The following TMC2 variants were observed in gnomAD, a reference collection of about 807,000 sequenced individuals.
TMC2 encodes transmembrane channel-like protein 2.
A neutral mutation model predicts 105.9 loss-of-function variants in TMC2; 102 were observed. That is an observed-to-expected ratio of 0.96 (90% CI 0.82 to 1.14). The LOEUF is 1.14. Among genes scored for constraint, TMC2 ranks in the 50% most tolerant of loss-of-function variants. The probability of loss-of-function intolerance (pLI) is 0.00; values close to 1 mark genes in which losing one functional copy is unlikely to be tolerated. For synonymous variants in TMC2, 402 were observed against 422.8 expected, an observed-to-expected ratio of 0.95 and a Z score of 0.60; for missense variants, 1,093 against 1,134.3, an observed-to-expected ratio of 0.96 and a Z score of 0.52.
chr20:2,593,267 C>A (rs979660416), intron 8 of TMC2, among the ~76,000 whole-genome samples: 2 of 152,156 alleles, frequency 1.3e-5, no homozygotes, highest in Non-Finnish European at 2.9e-5. Context: ...CCCCATGATC[C>A]ATTCACCTCC....
At position 2,613,251 on chromosome 20, in the gene TMC2, G is replaced by A; in HGVS notation, c.1801G>A (p.Gly601Arg). 6.2e-7 allele frequency: 1 copy of A among 1,614,026 alleles called. No individual in the cohort carries two copies. Among genetic ancestry groups the A allele is most frequent in the Non-Finnish European group, 8.5e-7 (1 of 1,179,962 alleles). ...GGTAACGTACATCACCATCCTGCTG[G>A]GGGACTTCCTACGGGCTTGTTTTGT... ...MLVTYITILL[G>R]DFLRACFVRF... Residue 601 changes from glycine (G) to arginine (R), a missense_variant, in exon 14 of 20, where the codon GGG becomes AGG. By Grantham distance (125) the Gly-to-Arg change is moderately radical. Transcript: ENST00000358864.
rs1220989831 is a variant in TMC2 at position 2,601,099 on chromosome 20, C to T, written c.1225-1014C>T. Among the ~76,000 whole-genome samples, 5 of 151,524 alleles carry T rather than the reference C, an allele frequency of 3.3e-5. No homozygotes were observed. In the East Asian group the frequency reaches 7.8e-4, roughly 24 times the overall value. On this transcript the variant is annotated intron_variant, in intron 10 of 19. Coordinates refer to ENST00000358864, the MANE Select transcript of TMC2 (RefSeq NM_080751.3). Reference sequence around the variant, plus strand: ...ACCAAAATAATGTACAAGACCATTACACCAAAAGTATAAAATATTGCCGAA... The same window carrying T: ...ACCAAAATAATGTACAAGACCATTATACCAAAAGTATAAAATATTGCCGAA...
At position 2,542,545 on chromosome 20, in the gene TMC2, A is replaced by G. The variant is rs544378563; in HGVS notation, c.82+5229A>G. On this transcript the variant is annotated intron_variant, in intron 2 of 19. Coordinates refer to ENST00000358864, the MANE Select transcript of TMC2 (RefSeq NM_080751.3). ...ATCTAATTGCCTTCAGCTTGAAATA[A>G]TCTTTATGCCGAAGTGGCATATTTT... Among the ~76,000 whole-genome samples, 23 of 152,252 alleles carry G rather than the reference A, an allele frequency of 1.5e-4. No homozygotes were observed. In the South Asian group the frequency reaches 4.6e-3, roughly 30 times the overall value.
rs764448789 is a variant in TMC2, at chr20:2,589,269, C to CGTGTGTGTGTGTGTGTGT, written c.835-3041_835-3040insGTGTGTGTGTGTGTGTGT. On this transcript the variant is annotated intron_variant, in intron 7 of 19. Coordinates refer to ENST00000358864, the MANE Select transcript of TMC2 (RefSeq NM_080751.3). ...TTTTTCCAGATATCTTCCTATTTGC[C>CGTGTGTGTGTGTGTGTGT]CTGTGTGTGTGTGTGTGTGTGTGTG... 5.8e-3 allele frequency among the ~76,000 whole-genome samples: 491 copies of CGTGTGTGTGTGTGTGTGT among 84,688 alleles called. 38 individuals carry two copies. The highest frequency in any genetic ancestry group is 9.1e-3 in the East Asian group (21 of 2,318). 55.6% of individuals were successfully genotyped at this position (84,688 alleles called of 152,430 possible).
intron 5 of TMC2, among the ~76,000 whole-genome samples, chr20:2,574,551 G>A (rs2086129569): frequency 6.6e-6 from 1 of 152,042 alleles, no homozygotes; most frequent in South Asian, 2.1e-4. Flanking sequence ...TTTTTTTCAA[G>A]TATTCAGTTT....
At chr20:2,624,533 T>A in intron 17 of TMC2, 137 bp downstream of exon 17, 1 of 1,084,178 alleles carries the variant, frequency 9.2e-7, no homozygotes, top group Non-Finnish European at 1.3e-6. Flanking sequence ...GATTCAAGTG[T>A]AAGTATTTTA....
At chr20:2,622,856 T>G (rs1287097110) in intron 16 of TMC2, among the ~76,000 whole-genome samples, 1 of 152,138 alleles carries the variant, frequency 6.6e-6, no homozygotes, top group Middle Eastern at 3.2e-3. Context: ...ATGTTTTATA[T>G]CAATTCTCAT....
At chr20:2,596,324 T>C (rs1472125209) in intron 9 of TMC2, among the ~76,000 whole-genome samples, 3 of 152,156 alleles carry the variant, frequency 2.0e-5, no homozygotes, top group African/African-American at 7.2e-5. Flanking sequence ...AAGTAATTGA[T>C]GGTTTTGCAA....
rs923915386 is a variant in TMC2, at chr20:2,592,856, A to G, written c.933+448A>G. ...TCCCAGCTCCTTTATTGGAATCACC[A>G]TTCATCCAATCATCCATGTCTGAAG... is the stretch of plus-strand genomic sequence containing the variant. On this transcript the variant is annotated intron_variant, in intron 8 of 19. Coordinates refer to ENST00000358864, the MANE Select transcript of TMC2 (RefSeq NM_080751.3). This position sits in a 1 kb window ranked among gnomAD's most constrained non-coding sequence, Gnocchi z 4.9. Among the ~76,000 whole-genome samples, 2 of 152,098 alleles carry G rather than the reference A, an allele frequency of 1.3e-5. No homozygotes were observed. The highest frequency in any genetic ancestry group is 4.8e-5 in the African/African-American group (2 of 41,404).
chr20:2,635,833 C>A (rs1256746105), intron 17 of TMC2, 93 bp from the exon 18 acceptor site: 6 of 1,010,002 alleles, frequency 5.9e-6, no homozygotes, highest in African/African-American at 4.8e-5. Flanking sequence ...GTAACTATTC[C>A]AGGAATCCTG....
chr20:2,635,822 A>G lies in TMC2; in HGVS notation c.2307-104A>G, dbSNP rs73892604. ...TGGTAGGACACCCACCCAAAGCCTCAGTAACTATTCCAGGAATCCTGCCCT... is the reference window on the plus strand; with the variant it reads ...TGGTAGGACACCCACCCAAAGCCTCGGTAACTATTCCAGGAATCCTGCCCT... On this transcript the variant is annotated intron_variant, in intron 17 of 19. Transcript: ENST00000358864. 4.8e-4 allele frequency: 438 copies of G among 905,158 alleles called. 2 individuals carry two copies. The African/African-American group carries it at 5.2e-3, about 11-fold the overall frequency. The allele number at this position is 905,158 out of a possible 1,614,324, so 56.1% of individuals were successfully genotyped here.
At chr20:2,542,564 A>G (rs1345705850) in intron 2 of TMC2, among the ~76,000 whole-genome samples, 1 of 152,144 alleles carries the variant, frequency 6.6e-6, no homozygotes, top group Non-Finnish European at 1.5e-5. Flanking sequence ...CCGAAGTGGC[A>G]TATTTTGGGA....
At chr20:2,578,151 C>T (rs952316489) in intron 5 of TMC2, among the ~76,000 whole-genome samples, 1 of 151,958 alleles carries the variant, frequency 6.6e-6, no homozygotes, top group Admixed American at 6.6e-5. Context: ...TGAAACCCAT[C>T]TCTACTAAAA....
rs903945446 is a variant in TMC2, at chr20:2,613,229, A to G, written c.1779A>G (p.Val593=). 6.2e-7 allele frequency: 1 copy of G among 1,613,980 alleles called. No homozygotes were observed. The highest frequency in any genetic ancestry group is 8.5e-7 in the Non-Finnish European group (1 of 1,179,914). The stretch of plus-strand genomic sequence containing the variant: ...GGCTGACGGTGTCTGACATGCTGGT[A>G]ACGTACATCACCATCCTGCTGGGGG... ...FMRLTVSDML[V]TYITILLGDF... The change falls in exon 14 of 20, where the codon GTA becomes GTG. Residue 593 remains valine (V), a synonymous_variant. Transcript: ENST00000358864.
intron 7 of TMC2, among the ~76,000 whole-genome samples, chr20:2,583,195 T>C (rs111402560): frequency 0.015 from 2,351 of 152,330 alleles, 70 homozygotes; most frequent in African/African-American, 0.052. Flanking sequence ...TTCATGTCCT[T>C]ATGTAACGCC....
At chr20:2,633,362 T>C (rs2086617936) in intron 17 of TMC2, among the ~76,000 whole-genome samples, 1 of 152,228 alleles carries the variant, frequency 6.6e-6, no homozygotes, top group Non-Finnish European at 1.5e-5. Context: ...TTACACATCA[T>C]GCACACAGTT....
At chr20:2,613,397 T>A (rs1237797338) in intron 14 of TMC2, 75 bp downstream of exon 14, 2 of 1,593,488 alleles carry the variant, frequency 1.3e-6, no homozygotes, top group South Asian at 2.2e-5. Flanking sequence ...GCCAGATGCA[T>A]TCTTGGGCAT....
intron 7 of TMC2, among the ~76,000 whole-genome samples, chr20:2,582,713 C>T (rs1164701948): frequency 2.0e-5 from 3 of 152,114 alleles, no homozygotes; most frequent in Non-Finnish European, 4.4e-5. Flanking sequence ...TGACCTTAAG[C>T]GATCTGCTCG....
At position 2,637,553 on chromosome 20, in the gene TMC2, G is replaced by A. The variant is rs1381234075; in HGVS notation, c.2465G>A (p.Ser822Asn). ...GATTCAGAGGACACACCTAAAAGCA[G>A]CTCCAAAAATGCCACCCAGCTCCAA... ...ARDSEDTPKS[S>N]SKNATQLQLT... Residue 822 changes from serine (S) to asparagine (N), a missense_variant, in exon 19 of 20, where the codon AGC (serine) becomes AAC (asparagine). Transcript: ENST00000358864. 11 of 1,613,888 alleles carry A rather than the reference G, an allele frequency of 6.8e-6. No individual in the cohort carries two copies. The African/African-American group carries it at 1.1e-4, about 16-fold the overall frequency.
Sources: gnomAD v4.1 joint callset for allele counts (sites outside exome capture counted in the v4.1 genomes callset) on GRCh38, gnomAD v4.1.1 for gene constraint, Gnocchi (gnomAD v3.1) non-coding constraint, MANE v1.5 for transcripts, NCBI Gene and HGNC (gene_info 2026-07-23, HGNC 2026-07-21) for gene names.